Variants in LIPC observed in about 807,000 individuals in gnomAD.
The protein encoded by LIPC is lipase C, hepatic type, also known as hepatic triacylglycerol lipase.
Under a neutral mutation model 50.7 loss-of-function variants are expected in LIPC, and 44 were observed. The ratio of observed to expected loss-of-function variants is 0.87; its 90% CI spans 0.68 to 1.11. The LOEUF (loss-of-function observed/expected upper bound fraction) is 1.11. LIPC is among the 50% of genes most tolerant of loss of function. LIPC has a pLI of 0.00. For missense variants in LIPC, 697 were observed against 648.2 expected (o/e 1.08, Z -0.82); for synonymous variants, 271 against 256.4 (o/e 1.06, Z -0.54).
At chr15:58,493,441 C>G (rs1396938438) in intron 1 of LIPC, among the ~76,000 whole-genome samples, 3 of 151,878 alleles carry the variant, frequency 2.0e-5, no homozygotes, top group Non-Finnish European at 4.4e-5. Context: ...TCACTATGCA[C>G]ACATTAGATC....
chr15:58,471,136 T>C (rs867839229), intron 1 of LIPC, among the ~76,000 whole-genome samples: 53 of 132,716 alleles, frequency 4.0e-4, no homozygotes, highest in Middle Eastern at 7.5e-3. Context: ...TCTTTTCTCT[T>C]TTTTTTTTTT....
At chr15:58,485,601 T>C (rs1891347319) in intron 1 of LIPC, among the ~76,000 whole-genome samples, 1 of 152,198 alleles carries the variant, frequency 6.6e-6, no homozygotes, top group Non-Finnish European at 1.5e-5. Context: ...TCTCCCTCCA[T>C]ACACATCACA....
At chr15:58,535,973 C>A (rs531878484) in intron 1 of LIPC, among the ~76,000 whole-genome samples, 1 of 152,290 alleles carries the variant, frequency 6.6e-6, no homozygotes, top group South Asian at 2.1e-4. Context: ...GGCAGGACAC[C>A]TCACCGCTCA....
intron 6 of LIPC, among the ~76,000 whole-genome samples, chr15:58,556,158 A>T (rs1256354063): frequency 1.3e-5 from 2 of 152,228 alleles, no homozygotes; most frequent in Non-Finnish European, 2.9e-5. Context: ...ACATAGTAGG[A>T]TCTCAACAAA....
intron 1 of LIPC, among the ~76,000 whole-genome samples, chr15:58,483,683 C>CAAG (rs34796824): frequency 0.036 from 5,543 of 152,156 alleles, 114 homozygotes; most frequent in Middle Eastern, 0.075. Context: ...CAGCTGTCTC[C>CAAG]AAGACCATGC....
At chr15:58,493,029 A>G (rs1307499629) in intron 1 of LIPC, among the ~76,000 whole-genome samples, 2 of 152,124 alleles carry the variant, frequency 1.3e-5, no homozygotes, top group African/African-American at 2.4e-5. Flanking sequence ...CCATTCTCCC[A>G]GTGATCCAGA....
intron 1 of LIPC, among the ~76,000 whole-genome samples, chr15:58,442,837 C>T (rs933513373): frequency 6.6e-6 from 1 of 152,182 alleles, no homozygotes; most frequent in Admixed American, 6.5e-5. Context: ...CTCATTGATG[C>T]CTACTTCTAG....
chr15:58,454,129 G>A (rs1357914730), intron 1 of LIPC, among the ~76,000 whole-genome samples: 2 of 152,204 alleles, frequency 1.3e-5, no homozygotes, highest in African/African-American at 4.8e-5. Context: ...TGACTCCTGA[G>A]CACCTGTTCT....
At chr15:58,493,880 T>C (rs1305427348) in intron 1 of LIPC, among the ~76,000 whole-genome samples, 1 of 152,142 alleles carries the variant, frequency 6.6e-6, no homozygotes, top group South Asian at 2.1e-4. Flanking sequence ...CACAGGAAGA[T>C]GGCAATGGGT....
At chr15:58,523,481 A>C (rs1892713643) in intron 1 of LIPC, 1 of 151,908 alleles carries the variant, frequency 6.6e-6, no homozygotes, top group Non-Finnish European at 1.5e-5. Flanking sequence ...GGACCCTTTG[A>C]CTCCACAGTC....
chr15:58,443,087 G>A (rs1384624896), intron 1 of LIPC, among the ~76,000 whole-genome samples: 1 of 152,096 alleles, frequency 6.6e-6, no homozygotes, highest in Non-Finnish European at 1.5e-5. Flanking sequence ...TAATTTTTCT[G>A]TTTTTAGTTT....
At chr15:58,534,479 C>T (rs1248555599) in intron 1 of LIPC, among the ~76,000 whole-genome samples, 1 of 152,178 alleles carries the variant, frequency 6.6e-6, no homozygotes, top group Non-Finnish European at 1.5e-5. Context: ...GAGGCTGCTG[C>T]TCAATTACAG....
chr15:58,440,826 A>AG (rs1308407982), intron 1 of LIPC, among the ~76,000 whole-genome samples: 1 of 152,196 alleles, frequency 6.6e-6, no homozygotes, highest in Non-Finnish European at 1.5e-5. Flanking sequence ...GGGAAAAAAA[A>AG]CATGAACCAG....
chr15:58,441,840 C>G (rs1313982965), intron 1 of LIPC, among the ~76,000 whole-genome samples: 1 of 152,180 alleles, frequency 6.6e-6, no homozygotes, highest in Non-Finnish European at 1.5e-5. Flanking sequence ...TCCTGTTAGT[C>G]AGAAGAGGGA....
chr15:58,440,264 G>A (rs1338445561), intron 1 of LIPC, among the ~76,000 whole-genome samples: 2 of 152,180 alleles, frequency 1.3e-5, no homozygotes, highest in African/African-American at 4.8e-5. Flanking sequence ...CTGAAAATAT[G>A]ATCAGGAAAA....
intron 1 of LIPC, among the ~76,000 whole-genome samples, chr15:58,501,091 C>T (rs201723787): frequency 2.0e-5 from 3 of 152,054 alleles, no homozygotes; most frequent in African/African-American, 7.3e-5. Context: ...CTTTCACTCC[C>T]TCATTTGATC....
At chr15:58,533,872 C>T (rs1353266061) in intron 1 of LIPC, among the ~76,000 whole-genome samples, 1 of 152,106 alleles carries the variant, frequency 6.6e-6, no homozygotes, top group African/African-American at 2.4e-5. Flanking sequence ...ATACAATGAG[C>T]ATCCCTTAAT....
chr15:58,559,225 AC>A (rs1183780598), intron 6 of LIPC, among the ~76,000 whole-genome samples: 1 of 152,208 alleles, frequency 6.6e-6, no homozygotes, highest in African/African-American at 2.4e-5. Context: ...TTCTCCTATG[AC>A]AAAGCTTGAA....
At chr15:58,567,306 CATATATATGTATATGTGT>C (rs1448839655) in intron 8 of LIPC, among the ~76,000 whole-genome samples, 2,887 of 107,346 alleles carry the variant, frequency 0.027, 67 homozygotes, top group Non-Finnish European at 0.035. Context: ...TATATATATA[CATATATATGTATATGTGT>C]ATATATATAT....
Sources: gnomAD v4.1 joint callset for allele counts (sites outside exome capture counted in the v4.1 genomes callset) on GRCh38, gnomAD v4.1.1 for gene constraint, MANE v1.5 for transcripts, NCBI Gene and HGNC (gene_info 2026-07-23, HGNC 2026-07-21) for gene names.